Variants in FBXO21 observed in about 807,000 individuals in gnomAD.
FBXO21 encodes F-box protein 21.
Under a neutral mutation model 76.6 loss-of-function variants are expected in FBXO21, and 32 were observed. That is an observed-to-expected ratio of 0.42 (90% CI 0.32 to 0.56). FBXO21 has a LOEUF of 0.56. FBXO21 is among the 20% of genes least tolerant of loss of function. The probability of loss-of-function intolerance (pLI) is 0.16; values close to 1 mark genes in which losing one functional copy is unlikely to be tolerated. For synonymous variants in FBXO21, 328 were observed against 311.5 expected (o/e 1.05, Z -0.56); for missense variants, 586 against 797.3 (o/e 0.73, Z 3.19).
chr12:117,150,939 G>A (rs928534877), intron 11 of FBXO21, among the ~76,000 whole-genome samples: 3 of 135,124 alleles, frequency 2.2e-5, no homozygotes, highest in Non-Finnish European at 4.7e-5. Flanking sequence ...AGTTGAGTTT[G>A]GAAGTATCAA....
intron 9 of FBXO21, among the ~76,000 whole-genome samples, chr12:117,161,838 G>A (rs1237096307): frequency 6.6e-6 from 1 of 152,236 alleles, no homozygotes; most frequent in African/African-American, 2.4e-5. Context: ...GCAAGAGCCT[G>A]AGAACCAGAG....
rs1956151393 is a variant in FBXO21, at chr12:117,174,257, A to G, written c.824T>C (p.Phe275Ser). The stretch of plus-strand genomic sequence containing the variant: ...ATAGTAATCCATTCGATTCCCCTTG[A>G]ACTTCAGTTGGTCGTAAAGGACATA... ...MNYVLYDQLK[F>S]KGNRMDYYNA... Residue 275 changes from phenylalanine (F) to serine (S), a missense_variant, in exon 6 of 12, where the codon TTC becomes TCC. Coordinates refer to ENST00000622495, the MANE Select transcript of FBXO21 (RefSeq NM_015002.3). 6.2e-7 allele frequency: 1 copy of G among 1,613,688 alleles called. No individual in the cohort carries two copies.
At chr12:117,171,666 T>A (rs1428945640) in intron 7 of FBXO21, among the ~76,000 whole-genome samples, 1 of 152,212 alleles carries the variant, frequency 6.6e-6, no homozygotes, top group East Asian at 1.9e-4. Flanking sequence ...AGTTTGAACC[T>A]AGTTTGACTA....
chr12:117,168,973 A>C (rs1398456783), intron 7 of FBXO21, among the ~76,000 whole-genome samples: 1 of 152,218 alleles, frequency 6.6e-6, no homozygotes, highest in Non-Finnish European at 1.5e-5. Flanking sequence ...CCATTACTGC[A>C]TATATACCCA....
At chr12:117,176,525 A>G (rs575064022) in intron 4 of FBXO21, among the ~76,000 whole-genome samples, 1 of 152,318 alleles carries the variant, frequency 6.6e-6, no homozygotes, top group East Asian at 1.9e-4. Context: ...AGTTGTCCAC[A>G]TTGCAGGTTT....
intron 2 of FBXO21, among the ~76,000 whole-genome samples, chr12:117,188,583 T>A (rs1956310465): frequency 6.7e-6 from 1 of 149,050 alleles, no homozygotes; most frequent in Non-Finnish European, 1.5e-5. Context: ...TGAGACATTT[T>A]GAGGAAAGAA....
At chr12:117,153,787 AGCC>A (rs1955876847) in intron 11 of FBXO21, among the ~76,000 whole-genome samples, 1 of 152,262 alleles carries the variant, frequency 6.6e-6, no homozygotes, top group Non-Finnish European at 1.5e-5. Flanking sequence ...AAATTCAAGA[AGCC>A]AATTTGCTAA....
At chr12:117,182,703 C>T (rs1956247131) in intron 3 of FBXO21, among the ~76,000 whole-genome samples, 1 of 151,556 alleles carries the variant, frequency 6.6e-6, no homozygotes, top group South Asian at 2.1e-4. Context: ...GCCGGGATTA[C>T]AGGCGTGTGC....
In FBXO21 at chr12:117,190,389, T is replaced by G. The variant is rs1956335411; in HGVS notation, c.68A>C (p.Glu23Ala). Reference protein sequence around the residue: ...VPALAEEAAPEVAGLSCLVNL... With the variant: ...VPALAEEAAPAVAGLSCLVNL... ...GACGAGGCAGCTGAGGCCCGCTACC[T>G]CCGGCGCGGCCTCCTCCGCCAGCGC... Residue 23 changes from glutamate (E) to alanine (A), a missense_variant, in exon 1 of 12, where the codon GAG becomes GCG. Glu to Ala is a moderately radical substitution (Grantham distance 107). Coordinates refer to ENST00000622495, the MANE Select transcript of FBXO21 (RefSeq NM_015002.3). 1.3e-6 allele frequency: 2 copies of G among 1,502,586 alleles called. No homozygotes were observed. The highest frequency in any genetic ancestry group is 4.4e-5 in the Admixed American group (2 of 45,628). The allele number at this position is 1,502,586 out of a possible 1,614,324, so 93.1% of individuals were successfully genotyped here. A position where few individuals can be genotyped will look rare whatever the true frequency, so the allele number is the denominator to read the frequency against.
chr12:117,174,099 T>C (rs1956148417), intron 6 of FBXO21, 106 bp downstream of exon 6: 5 of 952,580 alleles, frequency 5.2e-6, no homozygotes, highest in Non-Finnish European at 8.1e-6. Context: ...ATCGCGCCAC[T>C]GCATTCCAGC....
chr12:117,186,171 C>T (rs1956282098), intron 3 of FBXO21, among the ~76,000 whole-genome samples: 1 of 152,214 alleles, frequency 6.6e-6, no homozygotes, highest in African/African-American at 2.4e-5. Context: ...GCCACCGTGC[C>T]TGGCCTATTA....
chr12:117,171,971 G>A (rs1031593347), intron 7 of FBXO21, among the ~76,000 whole-genome samples: 21 of 152,182 alleles, frequency 1.4e-4, no homozygotes, highest in African/African-American at 5.1e-4. Flanking sequence ...GCCTGAAGGG[G>A]AACGTGGCCA....
At chr12:117,175,014 A>G (rs1956159658) in intron 4 of FBXO21, among the ~76,000 whole-genome samples, 1 of 152,090 alleles carries the variant, frequency 6.6e-6, no homozygotes. Flanking sequence ...AAATACATAA[A>G]TCAAACTTCT....
intron 4 of FBXO21, among the ~76,000 whole-genome samples, chr12:117,176,607 G>C (rs556171836): frequency 6.6e-6 from 1 of 152,040 alleles, no homozygotes; most frequent in Non-Finnish European, 1.5e-5. Flanking sequence ...GAGGGAAGGG[G>C]GGGTAATGTT....
chr12:117,150,873 G>C (rs186146379), intron 11 of FBXO21, among the ~76,000 whole-genome samples: 4 of 143,900 alleles, frequency 2.8e-5, no homozygotes, highest in East Asian at 4.5e-4. Context: ...GCCATGGACT[G>C]TGTGTGTGTG....
intron 3 of FBXO21, among the ~76,000 whole-genome samples, chr12:117,184,031 C>T (rs1956259911): frequency 6.6e-6 from 1 of 151,726 alleles, no homozygotes; most frequent in Admixed American, 6.6e-5. Flanking sequence ...TATTGAATCA[C>T]TGTGCTGTTT....
In FBXO21 at chr12:117,177,614, T is replaced by G. The variant is rs1157652364; in HGVS notation, c.498A>C (p.Ala166=). The change falls in exon 4 of 12, where the codon GCA becomes GCC. Residue 166 remains alanine, a synonymous_variant. Transcript: ENST00000622495. ...GCCGCAGGTAGTAAAGAATTTTTTT[T>G]GCGTAGTATTTCCAGGTCAAAGCTT... ...GRKALTWKYY[A]KKILYYLRQQ... is the part of the protein sequence containing the mutation. The G allele has an allele frequency of 1.9e-6, 3 of 1,613,846 alleles. No individual in the cohort carries two copies. Among genetic ancestry groups the G allele is most frequent in the East Asian group, 4.5e-5 (2 of 44,866 alleles).
chr12:117,162,968 C>T (rs79766926), intron 9 of FBXO21, among the ~76,000 whole-genome samples: 3,267 of 152,208 alleles, frequency 0.021, 127 homozygotes, highest in African/African-American at 0.074. Flanking sequence ...GAACCTTGTC[C>T]GATTTCTTCA....
intron 11 of FBXO21, 57 bp from the exon 12 acceptor site, chr12:117,146,334 T>A (rs1955770471): frequency 1.4e-6 from 2 of 1,449,262 alleles, no homozygotes; most frequent in Admixed American, 2.1e-5. Flanking sequence ...CTGCCACACC[T>A]TTCATCCAGA....
Sources: gnomAD v4.1 joint callset for allele counts (sites outside exome capture counted in the v4.1 genomes callset) on GRCh38, gnomAD v4.1.1 for gene constraint, MANE v1.5 for transcripts, NCBI Gene and HGNC (gene_info 2026-07-23, HGNC 2026-07-21) for gene names.